CADM2: variants seen among roughly 807,000 people sequenced by gnomAD.
CADM2 encodes the protein cell adhesion molecule 2.
A neutral mutation model predicts 49.8 loss-of-function variants in CADM2; 12 were observed. The observed-to-expected ratio is 0.24, with a 90% confidence interval of 0.15 to 0.39. The LOEUF is 0.39. Ranked by LOEUF, CADM2 falls within the 10% of genes least tolerant of loss-of-function variation. CADM2 has a pLI of 1.00. For synonymous variants in CADM2, 214 were observed against 175.4 expected (o/e 1.22, Z -1.74); for missense variants, 378 against 492.3 (o/e 0.77, Z 2.20).
Position 85,161,784 on chromosome 3 carries a change from G to A in CADM2, c.61+202116G>A, listed in dbSNP as rs571461006. On this transcript the variant is annotated intron_variant, in intron 1 of 9. Transcript: ENST00000383699. ...TGTAATCACAGCACTTTGGGAGGCC[G>A]AGGTGGGCGGATCACTTGAGGTCAG... is the stretch of plus-strand genomic sequence containing the variant. Among the ~76,000 whole-genome samples the A allele has an allele frequency of 4.6e-5, 7 of 152,154 alleles. No individual in the cohort carries two copies. In the East Asian group the frequency reaches 1.2e-3, roughly 25 times the overall value.
At chr3:85,309,813 A>G (rs2044301958) in intron 1 of CADM2, among the ~76,000 whole-genome samples, 1 of 152,198 alleles carries the variant, frequency 6.6e-6, no homozygotes, top group Non-Finnish European at 1.5e-5. Context: ...CACAAGGACT[A>G]TATTACTTTA....
At chr3:85,440,562 G>A (rs1383662651) in intron 1 of CADM2, among the ~76,000 whole-genome samples, 4 of 152,036 alleles carry the variant, frequency 2.6e-5, no homozygotes, top group Non-Finnish European at 5.9e-5. Context: ...GTCTCAGTGT[G>A]GTCACCTTTA....
chr3:85,375,261 A>G (rs145126425), intron 1 of CADM2, among the ~76,000 whole-genome samples: 111 of 152,330 alleles, frequency 7.3e-4, no homozygotes, highest in African/African-American at 2.6e-3. Context: ...ATATGATAAT[A>G]GAGTTAGGCT....
At chr3:85,152,582 C>A (rs1366713755) in intron 1 of CADM2, among the ~76,000 whole-genome samples, 1 of 152,094 alleles carries the variant, frequency 6.6e-6, no homozygotes, top group Non-Finnish European at 1.5e-5. Flanking sequence ...ACCAAATTGT[C>A]TTTAATATCG....
At chr3:85,106,447 AACATCCCAGT>A (rs2038230669) in intron 1 of CADM2, among the ~76,000 whole-genome samples, 1 of 152,142 alleles carries the variant, frequency 6.6e-6, no homozygotes, top group Admixed American at 6.6e-5. Context: ...TTCCAGAATG[AACATCCCAGT>A]ACATAGTTTT....
chr3:85,037,001 A>G (rs1018097202), intron 1 of CADM2, among the ~76,000 whole-genome samples: 40 of 132,872 alleles, frequency 3.0e-4, no homozygotes, highest in African/African-American at 1.0e-3. Context: ...AAAATAGAAA[A>G]AAAAAAAAAA....
intron 1 of CADM2, among the ~76,000 whole-genome samples, chr3:85,698,184 G>T (rs1269804006): frequency 6.6e-6 from 1 of 152,118 alleles, no homozygotes; most frequent in East Asian, 1.9e-4. Context: ...TGCTTCTTAT[G>T]GCATCAGTTG....
chr3:85,230,343 T>G (rs543498846), intron 1 of CADM2, among the ~76,000 whole-genome samples: 11 of 152,338 alleles, frequency 7.2e-5, no homozygotes, highest in Admixed American at 5.2e-4. Flanking sequence ...TAAATGACAC[T>G]GTCTCAGATT....
At chr3:85,689,388 CA>C (rs1394690754) in intron 1 of CADM2, among the ~76,000 whole-genome samples, 39 of 151,964 alleles carry the variant, frequency 2.6e-4, no homozygotes, top group Non-Finnish European at 4.7e-4. Context: ...GGGACCAATA[CA>C]AGAACAATGA....
intron 1 of CADM2, among the ~76,000 whole-genome samples, chr3:85,011,788 G>A (rs558917785): frequency 2.3e-4 from 35 of 152,018 alleles, no homozygotes; most frequent in African/African-American, 8.0e-4. Flanking sequence ...TACTTGGATG[G>A]CTGAGGCAGG....
chr3:86,011,345 T>G (rs949737294), intron 8 of CADM2, among the ~76,000 whole-genome samples: 2 of 152,180 alleles, frequency 1.3e-5, no homozygotes, highest in Non-Finnish European at 2.9e-5. Context: ...GAAATCCATC[T>G]ATATAACTAA....
intron 1 of CADM2, among the ~76,000 whole-genome samples, chr3:85,098,285 A>C (rs1052354555): frequency 6.6e-6 from 1 of 151,702 alleles, no homozygotes; most frequent in Non-Finnish European, 1.5e-5. Context: ...GTATTTTTTT[A>C]ATCTAGAATT....
chr3:85,597,912 G>T (rs1168796149), intron 1 of CADM2, among the ~76,000 whole-genome samples: 1 of 151,926 alleles, frequency 6.6e-6, no homozygotes, highest in Non-Finnish European at 1.5e-5. Flanking sequence ...TGGAAAATGT[G>T]ATTAAATGCT....
At chr3:85,370,052 A>C (rs941461322) in intron 1 of CADM2, among the ~76,000 whole-genome samples, 3 of 151,860 alleles carry the variant, frequency 2.0e-5, no homozygotes, top group African/African-American at 7.2e-5. Flanking sequence ...GTGTCTACTA[A>C]AAATACAAAA....
chr3:85,610,016 G>A (rs1267368056), intron 1 of CADM2, among the ~76,000 whole-genome samples: 1 of 151,894 alleles, frequency 6.6e-6, no homozygotes, highest in Non-Finnish European at 1.5e-5. Flanking sequence ...TTTATGACAT[G>A]TTTAGTCCCC....
chr3:85,202,142 C>G (rs2041520701), intron 1 of CADM2, among the ~76,000 whole-genome samples: 1 of 149,344 alleles, frequency 6.7e-6, no homozygotes, highest in African/African-American at 2.5e-5. Flanking sequence ...TAAGTTGCAG[C>G]AATTCAGTCA....
intron 8 of CADM2, among the ~76,000 whole-genome samples, chr3:86,056,209 G>A (rs771611101): frequency 3.3e-5 from 5 of 152,166 alleles, no homozygotes; most frequent in Admixed American, 1.3e-4. Flanking sequence ...AGGACCCTTA[G>A]TTCTAATAGC....
intron 1 of CADM2, among the ~76,000 whole-genome samples, chr3:85,138,536 T>C (rs1472723467): frequency 6.6e-6 from 1 of 152,222 alleles, no homozygotes; most frequent in East Asian, 1.9e-4. Flanking sequence ...TTTTTCTTGC[T>C]AATTTTTAAT....
chr3:85,950,039 A>G (rs1723254701), intron 7 of CADM2, among the ~76,000 whole-genome samples: 1 of 151,182 alleles, frequency 6.6e-6, no homozygotes, highest in Admixed American at 6.6e-5. Flanking sequence ...TAATTTTTTC[A>G]TTATGAAAAC....
Sources: allele counts gnomAD v4.1 joint callset (sites outside exome capture counted in the v4.1 genomes callset), GRCh38; gene constraint gnomAD v4.1.1; transcripts MANE v1.5; gene names NCBI Gene and HGNC (gene_info 2026-07-23, HGNC 2026-07-21).